The following RUBCNL variants were observed in gnomAD, a reference collection of about 807,000 sequenced individuals.
RUBCNL encodes the protein protein associated with UVRAG as autophagy enhancer.
Under a neutral mutation model 69.5 loss-of-function variants are expected in RUBCNL, and 62 were observed. The observed-to-expected ratio is 0.89, with a 90% CI of 0.73 to 1.10. RUBCNL has a LOEUF of 1.10. Among genes scored for constraint, RUBCNL ranks in the 50% least tolerant of loss-of-function variants. The pLI, the probability that RUBCNL is intolerant of heterozygous loss-of-function variation, is 0.00. For synonymous variants in RUBCNL, 291 were observed against 303.6 expected (o/e 0.96, Z 0.43); for missense variants, 768 against 798.1 (o/e 0.96, Z 0.45).
chr13:46,387,390 G>A, upstream of RUBCNL: 1 of 985,484 alleles, frequency 1.0e-6, no homozygotes. Flanking sequence ...GCACCGAGAC[G>A]TCGCCCAGAT....
chr13:46,341,286 A>G lies in RUBCNL; in HGVS notation c.*2099T>C, dbSNP rs1490907664. On this transcript the variant is annotated 3_prime_UTR_variant, in exon 15 of 15. Transcript: ENST00000429979. ...ATCTTCTTTCCGGCAGCCAAGGAAG[A>G]GTTGAACAGAAAACCCACACAATCA... Among the ~76,000 whole-genome samples, 3 of 152,188 alleles carry G rather than the reference A, an allele frequency of 2.0e-5. No individual in the cohort carries two copies. The highest frequency in any genetic ancestry group is 7.2e-5 in the African/African-American group (3 of 41,442).
intron 14 of RUBCNL, 47 bp downstream of exon 14, chr13:46,344,694 A>T: frequency 8.0e-7 from 1 of 1,250,616 alleles, no homozygotes; most frequent in Non-Finnish European, 1.1e-6. Context: ...AACTTAGTTT[A>T]ATTAGTTAAC....
chr13:46,366,685 A>C lies in RUBCNL; in HGVS notation c.826+1357T>G, dbSNP rs533916346. On this transcript the variant is annotated intron_variant, in intron 5 of 14. Coordinates refer to ENST00000429979, the MANE Select transcript of RUBCNL (RefSeq NM_025113.5). ...GAGTATTCCTGATTAACGTGTAGTA[A>C]AGGAAGTCAAGAAGAAAAGCAAGCT... 5.1e-4 allele frequency among the ~76,000 whole-genome samples: 77 copies of C among 152,318 alleles called. 1 individual carries two copies. The highest frequency in any genetic ancestry group is 3.8e-3 in the Admixed American group (58 of 15,302).
upstream of RUBCNL, among the ~76,000 whole-genome samples, chr13:46,388,617 C>T (rs1356549337): frequency 6.6e-6 from 1 of 152,138 alleles, no homozygotes; most frequent in Non-Finnish European, 1.5e-5. Flanking sequence ...CTGACTTCTC[C>T]CGGGGAAGGA....
In RUBCNL at chr13:46,359,594, G is replaced by C; in HGVS notation, c.1157C>G (p.Ser386Cys). The change falls in exon 9 of 15, where the codon TCC (serine) becomes TGC (cysteine). Residue 386 changes from serine (S) to cysteine (C), a missense_variant. Transcript: ENST00000429979. Reference sequence around the variant, plus strand: ...AATTTCCTGTACTACATTCATACTGGATTCAAAGTCTTTTCGGACACACTC... The same window carrying C: ...AATTTCCTGTACTACATTCATACTGCATTCAAAGTCTTTTCGGACACACTC... ...NEECVRKDFE[S>C]SMNVVQEIKF... The C allele has an allele frequency of 1.3e-6, 2 of 1,592,088 alleles. No individual in the cohort carries two copies. Among genetic ancestry groups the C allele is most frequent in the Non-Finnish European group, 1.7e-6 (2 of 1,168,246 alleles).
At chr13:46,377,822 A>G (rs1874852217) in intron 2 of RUBCNL, 68 bp downstream of exon 2, 4 of 900,582 alleles carry the variant, frequency 4.4e-6, no homozygotes, top group Non-Finnish European at 7.0e-6. Flanking sequence ...TAATAGATTC[A>G]CAACCATGTC....
intron 10 of RUBCNL, among the ~76,000 whole-genome samples, chr13:46,355,531 C>G (rs1170424813): frequency 6.6e-6 from 1 of 152,130 alleles, no homozygotes; most frequent in Non-Finnish European, 1.5e-5. Flanking sequence ...CTCCTGACCT[C>G]AGGTGATCCA....
chr13:46,388,199 C>CAAAAAAAAAAAAAAAA (rs71074779), upstream of RUBCNL, among the ~76,000 whole-genome samples: 1 of 68,202 alleles, frequency 1.5e-5, no homozygotes, highest in African/African-American at 6.6e-5. Context: ...GCAAGACTGT[C>CAAAAAAAAAAAAAAAA]AAAAAAAAAA....
intron 11 of RUBCNL, 61 bp downstream of exon 11, chr13:46,350,051 AT>A (rs2048336038): frequency 4.0e-6 from 5 of 1,237,072 alleles, no homozygotes; most frequent in African/African-American, 1.5e-5. Flanking sequence ...AGCTAGTGTG[AT>A]GTGCATTTCC....
In RUBCNL at chr13:46,338,348, C is replaced by A. The variant is rs1246572657; in HGVS notation, c.*5037G>T. ...GGTATAGCTAGCATTGGGCCAACCC[C>A]TGCCCCTCTCTCTTCCCACTTTGGC... On this transcript the variant is annotated 3_prime_UTR_variant, in exon 15 of 15. Transcript: ENST00000429979. 6.6e-6 allele frequency among the ~76,000 whole-genome samples: 1 copy of A among 152,168 alleles called. No homozygotes were observed. The highest frequency in any genetic ancestry group is 1.5e-5 in the Non-Finnish European group (1 of 68,018).
At chr13:46,362,945 T>TAG (rs1415563891) in intron 6 of RUBCNL, among the ~76,000 whole-genome samples, 170 bp downstream of exon 6, 19 of 60,180 alleles carry the variant, frequency 3.2e-4, no homozygotes, top group Non-Finnish European at 4.3e-4. Context: ...TATAGATATA[T>TAG]ATATATATAT....
At chr13:46,387,611 A>G, upstream of RUBCNL, 1 of 985,400 alleles carries the variant, frequency 1.0e-6, no homozygotes, top group Non-Finnish European at 1.2e-6. Flanking sequence ...TAGCAGTCAT[A>G]CAATTGCCTG....
upstream of RUBCNL, among the ~76,000 whole-genome samples, chr13:46,388,073 G>A (rs779602858): frequency 2.0e-5 from 3 of 151,898 alleles, no homozygotes; most frequent in Non-Finnish European, 2.9e-5. Flanking sequence ...TTAGCCGAGC[G>A]TGGTGGCGGG....
chr13:46,369,039 G>T (rs1469092846), intron 3 of RUBCNL, among the ~76,000 whole-genome samples: 4 of 152,158 alleles, frequency 2.6e-5, no homozygotes, highest in Non-Finnish European at 5.9e-5. Flanking sequence ...GTAACTGGGA[G>T]GTATCCTCAG....
intron 10 of RUBCNL, among the ~76,000 whole-genome samples, chr13:46,353,731 G>T (rs938315724): frequency 1.3e-5 from 2 of 152,206 alleles, no homozygotes; most frequent in Non-Finnish European, 2.9e-5. Context: ...GCATCAGGGG[G>T]TTGGGTGGAA....
chr13:46,357,772 G>A (rs1252095763), intron 9 of RUBCNL, among the ~76,000 whole-genome samples: 1 of 151,830 alleles, frequency 6.6e-6, no homozygotes, highest in Admixed American at 6.6e-5. Flanking sequence ...TAGGACCACA[G>A]GCATGCACCA....
At chr13:46,360,079 C>T (rs147899635) in intron 8 of RUBCNL, among the ~76,000 whole-genome samples, 3,520 of 152,250 alleles carry the variant, frequency 0.023, 56 homozygotes, top group Middle Eastern at 0.048. Context: ...CTGGACTTTC[C>T]TACTGTCATT....
At chr13:46,381,245 GTGC>G (rs1214186192) in intron 1 of RUBCNL, among the ~76,000 whole-genome samples, 2 of 152,274 alleles carry the variant, frequency 1.3e-5, no homozygotes, top group East Asian at 1.9e-4. Context: ...TTAACAAAGT[GTGC>G]TATATCCGTA....
In RUBCNL at chr13:46,344,746, C is replaced by T; in HGVS notation, c.1871G>A (p.Cys624Tyr). 1.2e-6 allele frequency: 2 copies of T among 1,601,128 alleles called. No individual in the cohort carries two copies. The highest frequency in any genetic ancestry group is 1.7e-6 in the Non-Finnish European group (2 of 1,170,880). Residue 624 changes from cysteine to tyrosine, a missense_variant, in exon 14 of 15, where the codon TGT (cysteine) becomes TAT (tyrosine). Cys to Tyr is a radical substitution (Grantham distance 194). Transcript: ENST00000429979. The stretch of plus-strand genomic sequence containing the variant: ...GTTATTAAGTTATTAAATACCTGAA[C>T]ATCTTCTACATGTTGCTGTCTGAAA... The part of the protein sequence containing the change: ...FPFQTATCRR[C>Y]SACRACFHKQ...
Sources: allele counts gnomAD v4.1 joint callset (sites outside exome capture counted in the v4.1 genomes callset), GRCh38; gene constraint gnomAD v4.1.1; transcripts MANE v1.5; gene names NCBI Gene and HGNC (gene_info 2026-07-23, HGNC 2026-07-21).